Variants in ZNF717 observed in about 807,000 individuals in gnomAD.
ZNF717 encodes krueppel-like factor X17.
ZNF717 carries 9 observed loss-of-function variants against 13.8 expected under a neutral mutation model. The ratio of observed to expected loss-of-function variants is 0.65; its 90% CI spans 0.39 to 1.14. The LOEUF is 1.14. ZNF717 is among the 50% of genes most tolerant of loss of function. The pLI is 0.01. For synonymous variants in ZNF717, 327 were observed against 364.1 expected (o/e 0.90, Z 1.16); for missense variants, 1,040 against 1,080.7 (o/e 0.96, Z 0.53).
intron 4 of ZNF717, among the ~76,000 whole-genome samples, chr3:75,722,222 T>G (rs1938182674): frequency 6.6e-6 from 1 of 151,988 alleles, no homozygotes; most frequent in Non-Finnish European, 1.5e-5. Context: ...ATCGTGCCAC[T>G]GCACTCCAGC....
At position 75,760,653 on chromosome 3, in the gene ZNF717, C is replaced by G. The variant is rs7613500; in HGVS notation, c.58-18917G>C. ...TGCAGATGCTTAAATTGAAAAGAAG[C>G]GAGATCTCAAACCCATGCTAAAGGG... On this transcript the variant is annotated intron_variant, in intron 2 of 4. Coordinates refer to ENST00000652011, the MANE Select transcript of ZNF717 (RefSeq NM_001290208.3). Among the ~76,000 whole-genome samples the G allele has an allele frequency of 5.2e-3, 698 of 133,926 alleles. 18 individuals are homozygous for G. In the East Asian group the frequency reaches 0.081, roughly 16 times the overall value. 87.9% of individuals were successfully genotyped at this position (133,926 alleles called of 152,430 possible).
At chr3:75,784,744 G>A (rs886555104) in intron 1 of ZNF717, 1 of 152,190 alleles carries the variant, frequency 6.6e-6, no homozygotes, top group Non-Finnish European at 1.5e-5. Flanking sequence ...CTAGGGAGTA[G>A]AATTAATATT....
chr3:75,701,584 C>G (rs2106812305), intron 6 of ZNF717, among the ~76,000 whole-genome samples: 1 of 152,416 alleles, frequency 6.6e-6, no homozygotes, highest in South Asian at 2.1e-4. Flanking sequence ...CCCAGCTACT[C>G]AGGAGGCTGA....
Position 75,738,085 on chromosome 3 carries a change from C to A in ZNF717, c.1538G>T (p.Gly513Val), listed in dbSNP as rs113151880. The part of the protein sequence containing the change: ...GEKPYECNEC[G>V]KTFRCKSFLT... ...GAATGACTTACAGCGAAAGGTTTTCCCACATTCATTGCATTCGTAGGGTTT... is the reference window on the plus strand; with the variant it reads ...GAATGACTTACAGCGAAAGGTTTTCACACATTCATTGCATTCGTAGGGTTT... Residue 513 changes from glycine to valine, a missense_variant, in exon 5 of 5, where the codon GGG (glycine) becomes GTG (valine). Gly to Val is a moderately radical substitution (Grantham distance 109). This residue lies in a region of ZNF717 where 873 missense variants were observed against 832.8 expected (regional missense o/e 1.05). Coordinates refer to ENST00000652011, the MANE Select transcript of ZNF717 (RefSeq NM_001290208.3). 2.1e-6 allele frequency: 3 copies of A among 1,456,156 alleles called. No individual in the cohort carries two copies. The highest frequency in any genetic ancestry group is 2.8e-5 in the African/African-American group (2 of 70,208). 90.2% of individuals were successfully genotyped at this position (1,456,156 alleles called of 1,614,324 possible).
chr3:75,707,419 C>T (rs1351940448), downstream of ZNF717, among the ~76,000 whole-genome samples: 4 of 152,396 alleles, frequency 2.6e-5, no homozygotes, highest in African/African-American at 4.8e-5. Flanking sequence ...CAATACTTAC[C>T]GAGTCCCAGG....
rs574263689 is a variant in ZNF717, at chr3:75,697,218, T to C, written n.1085+13969A>G. On this transcript the variant is annotated intron_variant and non_coding_transcript_variant, in intron 6 of 6. Transcript: ENST00000648506. ...GAGAAAGCAATAAAAGGCATCCCAA[T>C]TGGAAAAGAAGTCAAATTATCTTTT... Among the ~76,000 whole-genome samples, 197 of 151,962 alleles carry C rather than the reference T, an allele frequency of 1.3e-3. No homozygotes were observed. In the East Asian group the frequency reaches 0.036, roughly 28 times the overall value.
chr3:75,742,320 TCAA>T (rs1940577128), intron 2 of ZNF717, among the ~76,000 whole-genome samples: 1 of 46,770 alleles, frequency 2.1e-5, no homozygotes. Context: ...AGCCTACCTC[TCAA>T]AAAAAAAAAA....
chr3:75,699,592 C>T (rs76171354), intron 6 of ZNF717, among the ~76,000 whole-genome samples: 15 of 152,346 alleles, frequency 9.8e-5, no homozygotes, highest in African/African-American at 3.1e-4. Flanking sequence ...GTGCAAGCAC[C>T]AGATTTATTT....
At chr3:75,706,138 A>T (rs1375293777), downstream of ZNF717, among the ~76,000 whole-genome samples, 1 of 152,294 alleles carries the variant, frequency 6.6e-6, no homozygotes, top group African/African-American at 2.4e-5. Context: ...GAAGGAATAA[A>T]AAAAAAGTGT....
At chr3:75,779,485 C>A (rs1944632201) in intron 2 of ZNF717, among the ~76,000 whole-genome samples, 1 of 151,602 alleles carries the variant, frequency 6.6e-6, no homozygotes, top group Non-Finnish European at 1.5e-5. Context: ...AAACTAGAAA[C>A]CCAAAACAAT....
chr3:75,750,879 C>T (rs3009043), intron 2 of ZNF717, among the ~76,000 whole-genome samples: 126,735 of 150,542 alleles, frequency 0.84, 53,148 homozygotes, highest in East Asian at 0.89. Context: ...AGGGTCTGAA[C>T]GTTTGTCCCT....
intron 2 of ZNF717, among the ~76,000 whole-genome samples, chr3:75,775,723 TG>T (rs1944256027): frequency 6.6e-6 from 1 of 151,728 alleles, no homozygotes; most frequent in Non-Finnish European, 1.5e-5. Context: ...TGTGGTGGTG[TG>T]CGCCTGTAAT....
At chr3:75,758,395 G>C (rs1222950155) in intron 2 of ZNF717, among the ~76,000 whole-genome samples, 2 of 152,146 alleles carry the variant, frequency 1.3e-5, no homozygotes, top group Non-Finnish European at 2.9e-5. Context: ...AAACACTGTT[G>C]AGATGACAAC....
exon 6 of ZNF717, chr3:75,711,304 A>C (rs1343471870): frequency 6.6e-6 from 1 of 152,266 alleles, no homozygotes; most frequent in East Asian, 1.9e-4. Context: ...TACGAGATAA[A>C]GTTTTCTTAA....
chr3:75,745,883 T>A (rs796874229), intron 2 of ZNF717, among the ~76,000 whole-genome samples: 3 of 151,662 alleles, frequency 2.0e-5, no homozygotes, highest in Admixed American at 6.6e-5. Context: ...ATATATATTT[T>A]TTTATTATAC....
At chr3:75,705,688 G>A (rs369127678), downstream of ZNF717, among the ~76,000 whole-genome samples, 3,455 of 38,986 alleles carry the variant, frequency 0.089, no homozygotes, top group East Asian at 0.12. Context: ...CATGCAGTAG[G>A]GCCTCTTATC....
chr3:75,770,444 C>T (rs1228295201), intron 2 of ZNF717, among the ~76,000 whole-genome samples: 5 of 152,106 alleles, frequency 3.3e-5, no homozygotes, highest in African/African-American at 1.2e-4. Flanking sequence ...CCTGTAATAC[C>T]AGCTACTCAG....
chr3:75,766,079 T>C (rs2107602365), intron 2 of ZNF717, among the ~76,000 whole-genome samples: 1 of 152,050 alleles, frequency 6.6e-6, no homozygotes, highest in South Asian at 2.1e-4. Flanking sequence ...TGCACTACAG[T>C]CTGGGTGACA....
At chr3:75,767,454 G>T (rs1230384378) in intron 2 of ZNF717, among the ~76,000 whole-genome samples, 1 of 152,272 alleles carries the variant, frequency 6.6e-6, no homozygotes, top group Non-Finnish European at 1.5e-5. Context: ...TATGGCAGCT[G>T]GAAATGAGCC....
Sources: gnomAD v4.1 joint callset for allele counts (sites outside exome capture counted in the v4.1 genomes callset) on GRCh38, gnomAD v4.1.1 for gene constraint, gnomAD v4.1.1 regional missense constraint, MANE v1.5 for transcripts, NCBI Gene and HGNC (gene_info 2026-07-23, HGNC 2026-07-21) for gene names.